Variants in FAM184B observed in about 807,000 individuals in gnomAD.
FAM184B encodes the protein family with sequence similarity 184 member B.
In FAM184B, 111 loss-of-function variants were observed where a neutral mutation model predicts 135.9. The ratio of observed to expected loss-of-function variants is 0.82; its 90% CI spans 0.70 to 0.96. The LOEUF (loss-of-function observed/expected upper bound fraction) is 0.96. FAM184B is among the 40% of genes least tolerant of loss of function. The probability of loss-of-function intolerance (pLI) is 0.00; values close to 1 mark genes in which losing one functional copy is unlikely to be tolerated. For synonymous variants in FAM184B, 552 were observed against 524.8 expected (o/e 1.05, Z -0.71); for missense variants, 1,375 against 1,323.9 (o/e 1.04, Z -0.60).
intron 9 of FAM184B, among the ~76,000 whole-genome samples, chr4:17,659,248 G>A (rs1463003843): frequency 6.6e-6 from 1 of 151,816 alleles, no homozygotes; most frequent in African/African-American, 2.4e-5. Context: ...TGGGAGTACA[G>A]GCACATGTCA....
At position 17,664,609 on chromosome 4, in the gene FAM184B, T is replaced by C. The variant is rs1422772496; in HGVS notation, c.1647A>G (p.Gln549=). 1.3e-6 allele frequency: 2 copies of C among 1,551,682 alleles called. No homozygotes were observed. Among genetic ancestry groups the C allele is most frequent in the Non-Finnish European group, 1.7e-6 (2 of 1,147,014 alleles). The change falls in exon 8 of 18, where the codon CAA becomes CAG. Residue 549 remains glutamine, a synonymous_variant. Coordinates refer to ENST00000265018, the MANE Select transcript of FAM184B (RefSeq NM_015688.2). ...DETSPRGEEY[Q]DKLAAEEGTS... ...TTCCTTCTTCAGCTGCTAACTTATC[T>C]TGATACTCCTCTCCTCTCGGCGAAG...
At chr4:17,772,162 G>A (rs1347840665) in intron 1 of FAM184B, among the ~76,000 whole-genome samples, 1 of 152,090 alleles carries the variant, frequency 6.6e-6, no homozygotes, top group Non-Finnish European at 1.5e-5. Context: ...ATAAAGAAGG[G>A]TGAAAAGTTG....
intron 1 of FAM184B, among the ~76,000 whole-genome samples, chr4:17,737,996 C>T (rs566555206): frequency 4.8e-4 from 73 of 152,230 alleles, no homozygotes; most frequent in African/African-American, 1.6e-3. Context: ...AGACTGTCAG[C>T]TATTTTATTT....
At chr4:17,669,109 G>C (rs760710932) in intron 7 of FAM184B, among the ~76,000 whole-genome samples, 3 of 152,136 alleles carry the variant, frequency 2.0e-5, no homozygotes, top group Non-Finnish European at 4.4e-5. Flanking sequence ...TATGTAACTA[G>C]AAACTAAAGT....
chr4:17,705,781 G>C lies in FAM184B; in HGVS notation c.1141C>G (p.Pro381Ala). ...QQDQSCLKEC[P>A]CMKGGTDMQT... ...ATATCTGTGCCTCCTTTCATGCAAG[G>C]GCACTCCTTGAGACAGCTTTGATCC... The change falls in exon 4 of 18, where the codon CCT becomes GCT. Residue 381 changes from proline to alanine, a missense_variant. By Grantham distance (27) the Pro-to-Ala change is conservative. Coordinates refer to ENST00000265018, the MANE Select transcript of FAM184B (RefSeq NM_015688.2). The C allele has an allele frequency of 6.4e-7, 1 of 1,551,824 alleles. No individual in the cohort carries two copies. Among genetic ancestry groups the C allele is most frequent in the Non-Finnish European group, 8.7e-7 (1 of 1,147,028 alleles).
At chr4:17,700,113 C>CA (rs1265870372) in intron 5 of FAM184B, among the ~76,000 whole-genome samples, 11 of 152,032 alleles carry the variant, frequency 7.2e-5, no homozygotes, top group Non-Finnish European at 1.5e-4. Context: ...CCAAAATACT[C>CA]AATGTATCCA....
At chr4:17,730,877 C>G (rs917563905) in intron 1 of FAM184B, among the ~76,000 whole-genome samples, 5 of 152,078 alleles carry the variant, frequency 3.3e-5, no homozygotes, top group African/African-American at 1.2e-4. Flanking sequence ...ATAACCAACG[C>G]AGAGAAGTCC....
Position 17,652,927 on chromosome 4 carries a change from C to G in FAM184B, c.2094G>C (p.Gln698His), listed in dbSNP as rs1172123684. 6.4e-7 allele frequency: 1 copy of G among 1,551,622 alleles called. No individual in the cohort carries two copies. The highest frequency in any genetic ancestry group is 1.4e-5 in the African/African-American group (1 of 73,052). ...ESSHSLQIQH[Q>H]THRLELQALE... ...AGGCCTGGAGCTCCAGTCGGTGTGT[C>G]TGGTGTTGGATCTGGAGGCTGTGGC... The change falls in exon 11 of 18, where the codon CAG becomes CAC. Residue 698 changes from glutamine to histidine, a missense_variant. Gln to His is a conservative substitution (Grantham distance 24). Coordinates refer to ENST00000265018, the MANE Select transcript of FAM184B (RefSeq NM_015688.2).
chr4:17,781,153 C>A lies in FAM184B; in HGVS notation c.141+6G>T. 2 of 1,541,270 alleles carry A rather than the reference C, an allele frequency of 1.3e-6. No homozygotes were observed. Among genetic ancestry groups the A allele is most frequent in the Non-Finnish European group, 1.8e-6 (2 of 1,141,606 alleles). ...CAGCTCGCTGGCCCGCTGCGCCCCA[C>A]CTTACCTTGGTGAGCTGGGCGATCT... is the stretch of plus-strand genomic sequence containing the variant. On this transcript the variant is annotated splice_donor_region_variant and intron_variant, in intron 1 of 17. Coordinates refer to ENST00000265018, the MANE Select transcript of FAM184B (RefSeq NM_015688.2). This position sits in a 1 kb window ranked among gnomAD's most constrained non-coding sequence, Gnocchi z 6.5.
intron 14 of FAM184B, among the ~76,000 whole-genome samples, chr4:17,638,845 A>C (rs1715226661): frequency 6.6e-6 from 1 of 151,578 alleles, no homozygotes; most frequent in African/African-American, 2.4e-5. Context: ...CCCCCACCAC[A>C]CCCCGCCTCC....
intron 1 of FAM184B, among the ~76,000 whole-genome samples, chr4:17,730,402 G>A (rs1717749599): frequency 6.6e-6 from 1 of 152,080 alleles, no homozygotes; most frequent in South Asian, 2.1e-4. Flanking sequence ...TCAGATTCAG[G>A]AAATACAGAG....
At chr4:17,728,865 G>A (rs562948136) in intron 1 of FAM184B, among the ~76,000 whole-genome samples, 36 of 152,266 alleles carry the variant, frequency 2.4e-4, no homozygotes, top group Admixed American at 1.6e-3. Flanking sequence ...CTGAGGTACC[G>A]GGTTCATCTC....
At chr4:17,717,154 T>C (rs1168492892) in intron 1 of FAM184B, among the ~76,000 whole-genome samples, 1 of 152,190 alleles carries the variant, frequency 6.6e-6, no homozygotes, top group African/African-American at 2.4e-5. Flanking sequence ...TTCATCTCTC[T>C]GAAGCTCAGT....
intron 1 of FAM184B, among the ~76,000 whole-genome samples, chr4:17,721,083 T>C (rs1717513367): frequency 6.6e-6 from 1 of 151,610 alleles, no homozygotes; most frequent in Admixed American, 6.6e-5. Flanking sequence ...CTAATATTTG[T>C]TGAATGAATA....
chr4:17,688,841 A>G (rs1560176915), intron 6 of FAM184B, among the ~76,000 whole-genome samples: 2 of 151,772 alleles, frequency 1.3e-5, no homozygotes, highest in South Asian at 4.2e-4. Context: ...ACAGGTATGC[A>G]CCACCACGCC....
At chr4:17,742,875 AG>A (rs1718075010) in intron 1 of FAM184B, among the ~76,000 whole-genome samples, 1 of 152,230 alleles carries the variant, frequency 6.6e-6, no homozygotes, top group African/African-American at 2.4e-5. Context: ...CCAAGAGGAC[AG>A]GGGCTGCCAC....
Position 17,647,806 on chromosome 4 carries a change from G to C in FAM184B, c.2192-15C>G. On this transcript the variant is annotated splice_polypyrimidine_tract_variant and intron_variant, in intron 11 of 17. Coordinates refer to ENST00000265018, the MANE Select transcript of FAM184B (RefSeq NM_015688.2). ...TCTGAGCGACTCTGGAAAAGGGAGA[G>C]CAGCAGTGAGTTAGGCGTTGGGTCT... 2.6e-6 allele frequency: 4 copies of C among 1,547,274 alleles called. No individual in the cohort carries two copies. Among genetic ancestry groups the C allele is most frequent in the Non-Finnish European group, 3.5e-6 (4 of 1,145,136 alleles).
At chr4:17,666,080 T>C (rs1716041833) in intron 7 of FAM184B, among the ~76,000 whole-genome samples, 1 of 152,194 alleles carries the variant, frequency 6.6e-6, no homozygotes, top group Non-Finnish European at 1.5e-5. Context: ...CTTTGCTCCC[T>C]CACTTCACTC....
intron 7 of FAM184B, among the ~76,000 whole-genome samples, chr4:17,685,995 T>C (rs1403315040): frequency 6.6e-6 from 1 of 152,204 alleles, no homozygotes; most frequent in Non-Finnish European, 1.5e-5. Context: ...TGCATTTTTT[T>C]ATTCAGTCTC....
Sources: allele counts gnomAD v4.1 joint callset (sites outside exome capture counted in the v4.1 genomes callset), GRCh38; gene constraint gnomAD v4.1.1; non-coding constraint Gnocchi (gnomAD v3.1); transcripts MANE v1.5; gene names NCBI Gene and HGNC (gene_info 2026-07-23, HGNC 2026-07-21).